Variants in HMCN1 observed in about 807,000 individuals in gnomAD.
HMCN1 encodes the protein hemicentin-1.
In HMCN1, 321 loss-of-function variants were observed where a neutral mutation model predicts 625.9. The observed-to-expected ratio is 0.51, with a 90% CI of 0.47 to 0.56. The LOEUF (loss-of-function observed/expected upper bound fraction) is 0.56. Among genes scored for constraint, HMCN1 ranks in the 20% least tolerant of loss-of-function variants. HMCN1 has a pLI of 0.00. For synonymous variants in HMCN1, 2,425 were observed against 2,417.6 expected (o/e 1.00, Z -0.09); for missense variants, 6,588 against 6,887.3 (o/e 0.96, Z 1.54).
In HMCN1 at chr1:186,189,642, A is replaced by T. The variant is rs1306005372; in HGVS notation, c.16672A>T (p.Thr5558Ser). The change falls in exon 107 of 107, where the codon ACA (threonine) becomes TCA (serine). Residue 5558 changes from threonine to serine, a missense_variant. Physicochemically the swap from Thr to Ser is moderately conservative, Grantham distance 58. This residue lies in a region of HMCN1 where 1,954 missense variants were observed against 2,013.1 expected (regional missense o/e 0.97). Transcript: ENST00000271588. ...AGATTTAATCCGGCTGGTTGCATAC[A>T]CACAGGATGGAGTGATGCATCCCAG... ...NQDLIRLVAY[T>S]QDGVMHPRTT... is the part of the protein sequence containing the mutation. The T allele has an allele frequency of 3.1e-6, 5 of 1,612,522 alleles. No individual in the cohort carries two copies. Among genetic ancestry groups the T allele is most frequent in the Non-Finnish European group, 4.2e-6 (5 of 1,179,156 alleles).
At chr1:185,955,023 C>G (rs1288484937) in intron 11 of HMCN1, among the ~76,000 whole-genome samples, 1 of 152,152 alleles carries the variant, frequency 6.6e-6, no homozygotes, top group Non-Finnish European at 1.5e-5. Flanking sequence ...GTCCCTTCCC[C>G]TTTTTCTGTG....
At chr1:185,811,557 C>T (rs986644098) in intron 1 of HMCN1, among the ~76,000 whole-genome samples, 2 of 152,018 alleles carry the variant, frequency 1.3e-5, no homozygotes, top group African/African-American at 2.4e-5. Context: ...CACTGCACCA[C>T]TGTGCTCCAG....
At chr1:186,099,201 G>A (rs934573310) in intron 68 of HMCN1, among the ~76,000 whole-genome samples, 2 of 151,968 alleles carry the variant, frequency 1.3e-5, no homozygotes, top group African/African-American at 4.8e-5. Context: ...TTGAAGTGAT[G>A]GAAATGCTAA....
At chr1:186,185,641 T>C (rs995806816) in intron 105 of HMCN1, among the ~76,000 whole-genome samples, 2 of 152,262 alleles carry the variant, frequency 1.3e-5, no homozygotes, top group Non-Finnish European at 2.9e-5. Flanking sequence ...GAGACTGTTA[T>C]TGTTTTAAAT....
chr1:186,033,834 T>C (rs553879667), intron 36 of HMCN1, among the ~76,000 whole-genome samples: 1 of 152,278 alleles, frequency 6.6e-6, no homozygotes, highest in Admixed American at 6.5e-5. Flanking sequence ...ATAACATAAT[T>C]TGGCAACTCT....
rs960633462 is a variant in HMCN1, at chr1:185,864,486, C to T, written c.356C>T (p.Pro119Leu). ...ELYVQGGGDC[P>L]EMSIGAIKIA... ...ACTCAACAGGGTGGTGGTGATTGCC[C>T]AGAAATGAGTATTGGAGCTATAAAA... Residue 119 changes from proline (P) to leucine (L), a missense_variant, in exon 3 of 107, where the codon CCA (proline) becomes CTA (leucine). Around this residue, in one of 3 missense-constraint regions of HMCN1, gnomAD observed 4,628 missense variants for 4,853.1 expected, o/e 0.95. Coordinates refer to ENST00000271588, the MANE Select transcript of HMCN1 (RefSeq NM_031935.3). 6.2e-7 allele frequency: 1 copy of T among 1,613,856 alleles called. No homozygotes were observed. The highest frequency in any genetic ancestry group is 1.3e-5 in the African/African-American group (1 of 74,898).
intron 1 of HMCN1, among the ~76,000 whole-genome samples, chr1:185,776,361 A>G (rs1365088985): frequency 6.6e-6 from 1 of 151,714 alleles, no homozygotes; most frequent in African/African-American, 2.4e-5. Flanking sequence ...TCTGTCATTA[A>G]ATTTTCCCTC....
intron 1 of HMCN1, among the ~76,000 whole-genome samples, chr1:185,807,156 C>T (rs900723556): frequency 1.2e-4 from 18 of 152,152 alleles, no homozygotes; most frequent in African/African-American, 4.3e-4. Context: ...TATCTAAGAA[C>T]ATTCAAAATC....
At chr1:185,896,069 G>A (rs1362961114) in intron 4 of HMCN1, among the ~76,000 whole-genome samples, 1 of 151,702 alleles carries the variant, frequency 6.6e-6, no homozygotes. Flanking sequence ...TTGAGTAGCT[G>A]GGACTACAGG....
chr1:185,809,584 A>G (rs1659385084), intron 1 of HMCN1, among the ~76,000 whole-genome samples: 1 of 151,930 alleles, frequency 6.6e-6, no homozygotes, highest in African/African-American at 2.4e-5. Context: ...TGAAGACAGG[A>G]AAACAGTATT....
intron 4 of HMCN1, among the ~76,000 whole-genome samples, chr1:185,887,357 G>T (rs1015028473): frequency 6.6e-6 from 1 of 151,428 alleles, no homozygotes. Context: ...TGCACATTGT[G>T]CAGGTTAGTT....
chr1:185,949,308 T>G (rs1668518517), intron 11 of HMCN1, among the ~76,000 whole-genome samples: 1 of 151,680 alleles, frequency 6.6e-6, no homozygotes, highest in Non-Finnish European at 1.5e-5. Context: ...CAAGTTTTTT[T>G]GGGCACAGTC....
intron 95 of HMCN1, 48 bp downstream of exon 95, chr1:186,151,791 G>C: frequency 6.4e-7 from 1 of 1,571,150 alleles, no homozygotes. Context: ...AAAGTGCCAT[G>C]AAGATAGGTG....
intron 1 of HMCN1, among the ~76,000 whole-genome samples, chr1:185,835,782 C>T (rs1354311309): frequency 6.6e-6 from 1 of 151,692 alleles, no homozygotes; most frequent in African/African-American, 2.4e-5. Context: ...GACATTTGTA[C>T]ATAAATAGGC....
At chr1:185,816,176 A>G (rs1344226943) in intron 1 of HMCN1, among the ~76,000 whole-genome samples, 1 of 152,238 alleles carries the variant, frequency 6.6e-6, no homozygotes, top group Non-Finnish European at 1.5e-5. Flanking sequence ...AGAATGGAAG[A>G]TTGAGGGACT....
chr1:186,022,522 T>C (rs1386351405), intron 35 of HMCN1, among the ~76,000 whole-genome samples: 6 of 152,160 alleles, frequency 3.9e-5, no homozygotes, highest in Non-Finnish European at 5.9e-5. Context: ...ATCACCAGTT[T>C]CAAAATGGCA....
chr1:185,998,228 C>A (rs987841202), intron 25 of HMCN1, among the ~76,000 whole-genome samples: 1 of 152,072 alleles, frequency 6.6e-6, no homozygotes, highest in African/African-American at 2.4e-5. Context: ...AAAGTCCAAG[C>A]AGTAGTCTTT....
At chr1:185,893,181 C>T (rs1320685548) in intron 4 of HMCN1, among the ~76,000 whole-genome samples, 1 of 152,248 alleles carries the variant, frequency 6.6e-6, no homozygotes, top group African/African-American at 2.4e-5. Flanking sequence ...ACGCACGGTG[C>T]CTGCACCCAG....
At chr1:185,861,666 A>T (rs1478279431) in intron 2 of HMCN1, among the ~76,000 whole-genome samples, 1 of 152,210 alleles carries the variant, frequency 6.6e-6, no homozygotes, top group Non-Finnish European at 1.5e-5. Flanking sequence ...ATAAATTTTC[A>T]TTCAAGGTCA....
Sources: allele counts gnomAD v4.1 joint callset (sites outside exome capture counted in the v4.1 genomes callset), GRCh38; gene constraint gnomAD v4.1.1; regional missense constraint gnomAD v4.1.1; transcripts MANE v1.5; gene names NCBI Gene and HGNC (gene_info 2026-07-23, HGNC 2026-07-21).